Variants in CACNA2D3 observed in about 807,000 individuals in gnomAD.
CACNA2D3 encodes the protein voltage-dependent calcium channel subunit alpha-2/delta-3.
In CACNA2D3, 60 loss-of-function variants were observed where a neutral mutation model predicts 160.6. The ratio of observed to expected loss-of-function variants is 0.37; its 90% CI spans 0.30 to 0.46. The LOEUF (loss-of-function observed/expected upper bound fraction) is 0.46. Ranked by LOEUF, CACNA2D3 falls within the 20% of genes least tolerant of loss-of-function variation. The pLI is 1.00. For synonymous variants in CACNA2D3, 558 were observed against 492.9 expected, an observed-to-expected ratio of 1.13 and a Z score of -1.75; for missense variants, 1,205 against 1,365.0, an observed-to-expected ratio of 0.88 and a Z score of 1.85.
intron 12 of CACNA2D3, among the ~76,000 whole-genome samples, chr3:54,763,798 T>C (rs796802466): frequency 0.14 from 3,705 of 26,876 alleles, 932 homozygotes; most frequent in Non-Finnish European, 0.21. Flanking sequence ...TGTATATATA[T>C]GTACATATAT....
intron 13 of CACNA2D3, among the ~76,000 whole-genome samples, chr3:54,802,332 G>C (rs1266515455): frequency 6.6e-6 from 1 of 152,144 alleles, no homozygotes; most frequent in African/African-American, 2.4e-5. Flanking sequence ...AGGATATTCA[G>C]AGAGATACCT....
chr3:54,892,982 A>C (rs1309309801), intron 25 of CACNA2D3, among the ~76,000 whole-genome samples: 1 of 152,194 alleles, frequency 6.6e-6, no homozygotes, highest in Non-Finnish European at 1.5e-5. Context: ...AGATCAAAAA[A>C]AATTATGGAT....
At chr3:54,794,204 C>G (rs1702819582) in intron 13 of CACNA2D3, among the ~76,000 whole-genome samples, 1 of 151,692 alleles carries the variant, frequency 6.6e-6, no homozygotes, top group Non-Finnish European at 1.5e-5. Flanking sequence ...ATTTTATCTC[C>G]ACTTCTGACC....
intron 3 of CACNA2D3, among the ~76,000 whole-genome samples, chr3:54,341,895 A>C (rs1426747474): frequency 6.6e-6 from 1 of 152,196 alleles, no homozygotes; most frequent in Non-Finnish European, 1.5e-5. Flanking sequence ...TTGTTGAATT[A>C]GTAGAATGAT....
At chr3:54,471,368 A>G (rs1700728998) in intron 4 of CACNA2D3, among the ~76,000 whole-genome samples, 1 of 152,220 alleles carries the variant, frequency 6.6e-6, no homozygotes, top group Non-Finnish European at 1.5e-5. Context: ...ACAAAGACAC[A>G]TCGTACCAGA....
chr3:54,931,257 A>G (rs1280837172), intron 27 of CACNA2D3, among the ~76,000 whole-genome samples: 2 of 152,118 alleles, frequency 1.3e-5, no homozygotes, highest in Admixed American at 6.5e-5. Context: ...CTTACTGCCC[A>G]AGGGGTTTTT....
intron 5 of CACNA2D3, among the ~76,000 whole-genome samples, chr3:54,513,291 C>G (rs901136645): frequency 7.9e-5 from 12 of 152,180 alleles, no homozygotes; most frequent in African/African-American, 2.9e-4. Context: ...CTGATGGAAA[C>G]TTCTGTCCAG....
chr3:54,948,207 A>G (rs1701664575), intron 27 of CACNA2D3, among the ~76,000 whole-genome samples: 1 of 152,224 alleles, frequency 6.6e-6, no homozygotes, highest in Non-Finnish European at 1.5e-5. Flanking sequence ...AGAGTGAGAT[A>G]GGAAACTTTT....
At chr3:54,363,499 T>G (rs893986085) in intron 3 of CACNA2D3, among the ~76,000 whole-genome samples, 28 of 152,152 alleles carry the variant, frequency 1.8e-4, no homozygotes, top group Non-Finnish European at 7.4e-5. Context: ...CTTTAATAAC[T>G]TCTTCTGGTC....
chr3:54,947,554 A>C (rs895747154), intron 27 of CACNA2D3, among the ~76,000 whole-genome samples: 4 of 152,126 alleles, frequency 2.6e-5, no homozygotes, highest in Admixed American at 2.6e-4. Context: ...TATCCACAAA[A>C]TTTTGAGTGC....
chr3:54,832,022 C>T lies in CACNA2D3; in HGVS notation c.1399-5137C>T, dbSNP rs964649632. Among the ~76,000 whole-genome samples the T allele has an allele frequency of 2.8e-3, 384 of 136,484 alleles. 6 individuals carry two copies. Among genetic ancestry groups the T allele is most frequent in the African/African-American group, 9.9e-3 (313 of 31,530 alleles). 89.5% of individuals were successfully genotyped at this position (136,484 alleles called of 152,430 possible). ...CTCTCTCTTCTCTGTCACACACACA[C>T]ACACACACACACACACACACACACA... On this transcript the variant is annotated intron_variant, in intron 14 of 37. Coordinates refer to ENST00000474759, the MANE Select transcript of CACNA2D3 (RefSeq NM_018398.3).
At chr3:54,463,801 C>G (rs1275536345) in intron 4 of CACNA2D3, among the ~76,000 whole-genome samples, 2 of 152,204 alleles carry the variant, frequency 1.3e-5, no homozygotes, top group Non-Finnish European at 2.9e-5. Flanking sequence ...CAGCTTTGTT[C>G]CGTTGCTGGT....
chr3:54,509,330 A>G (rs1701421998), intron 5 of CACNA2D3, among the ~76,000 whole-genome samples: 1 of 151,832 alleles, frequency 6.6e-6, no homozygotes, highest in Admixed American at 6.6e-5. Context: ...AGAGGGAGAG[A>G]GAGCACACGC....
intron 35 of CACNA2D3, among the ~76,000 whole-genome samples, chr3:55,040,931 T>C (rs1368585674): frequency 6.6e-6 from 1 of 152,180 alleles, no homozygotes; most frequent in Non-Finnish European, 1.5e-5. Flanking sequence ...TCATTTTTGG[T>C]AGTTGGTTTA....
At chr3:54,541,293 A>AG (rs1475496860) in intron 5 of CACNA2D3, among the ~76,000 whole-genome samples, 54 of 147,634 alleles carry the variant, frequency 3.7e-4, no homozygotes, top group East Asian at 7.2e-4. Flanking sequence ...AAAAAAAAAA[A>AG]AAAAAAAAGA....
chr3:54,829,118 T>G (rs2106741142), intron 14 of CACNA2D3, among the ~76,000 whole-genome samples: 1 of 152,274 alleles, frequency 6.6e-6, no homozygotes, highest in South Asian at 2.1e-4. Flanking sequence ...TCAGATGATG[T>G]TAACATTAGC....
At chr3:54,153,792 C>T (rs1444643744) in intron 2 of CACNA2D3, among the ~76,000 whole-genome samples, 1 of 152,190 alleles carries the variant, frequency 6.6e-6, no homozygotes, top group Non-Finnish European at 1.5e-5. Context: ...TTCCAACCCA[C>T]TAAATTAATT....
chr3:54,671,273 C>G (rs527390028), intron 11 of CACNA2D3, among the ~76,000 whole-genome samples: 1 of 151,812 alleles, frequency 6.6e-6, no homozygotes, highest in South Asian at 2.1e-4. Flanking sequence ...GATTGTTTCC[C>G]TCCATTTCCA....
At position 54,657,077 on chromosome 3, in the gene CACNA2D3, G is replaced by T. The variant is rs182433478; in HGVS notation, c.1167+14836G>T. On this transcript the variant is annotated intron_variant, in intron 11 of 37. Coordinates refer to ENST00000474759, the MANE Select transcript of CACNA2D3 (RefSeq NM_018398.3). Reference sequence around the variant, plus strand: ...AAAAAGGGGGGTTGTTCTCTGGCGGGCAGGAGTGGGGGGTCACAGGGTACT... The same window carrying T: ...AAAAAGGGGGGTTGTTCTCTGGCGGTCAGGAGTGGGGGGTCACAGGGTACT... Among the ~76,000 whole-genome samples, 72 of 149,534 alleles carry T rather than the reference G, an allele frequency of 4.8e-4. 1 individual carries two copies. The East Asian group carries it at 0.014, about 30-fold the overall frequency.
Sources: gnomAD v4.1 joint callset for allele counts (sites outside exome capture counted in the v4.1 genomes callset) on GRCh38, gnomAD v4.1.1 for gene constraint, MANE v1.5 for transcripts, NCBI Gene and HGNC (gene_info 2026-07-23, HGNC 2026-07-21) for gene names.